The following ZBTB38 variants were observed in gnomAD, a reference collection of about 807,000 sequenced individuals.
The protein encoded by ZBTB38 is zinc finger and BTB domain-containing protein 38.
ZBTB38 carries 20 observed loss-of-function variants against 76.8 expected under a neutral mutation model. The observed-to-expected ratio is 0.26, with a 90% confidence interval of 0.18 to 0.38. The LOEUF is 0.38. Among genes scored for constraint, ZBTB38 ranks in the 10% least tolerant of loss-of-function variants. The pLI, the probability that ZBTB38 is intolerant of heterozygous loss-of-function variation, is 1.00. For missense variants in ZBTB38, 1,082 were observed against 1,482.3 expected, an observed-to-expected ratio of 0.73 and a Z score of 4.43; for synonymous variants, 504 against 544.2, an observed-to-expected ratio of 0.93 and a Z score of 1.03.
rs1266580259 is a variant in ZBTB38 at position 141,368,789 on chromosome 3, G to A, written c.-325G>A. ...AGTTGACAGCGTCTGGGTTTCAGAG[G>A]AGCCAGCGCCTCCGAGTAAGTGAAG... is the stretch of plus-strand genomic sequence containing the variant. On this transcript the variant is annotated 5_prime_UTR_variant, in exon 1 of 6. Transcript: ENST00000321464. The A allele has an allele frequency of 1.3e-5, 2 of 151,922 alleles. No homozygotes were observed. The highest frequency in any genetic ancestry group is 2.1e-4 in the South Asian group (1 of 4,810). The allele number at this position is 151,922 out of a possible 1,614,324, so 9.4% of individuals were successfully genotyped here. A position where few individuals can be genotyped will look rare whatever the true frequency, so the allele number is the denominator to read the frequency against.
At chr3:141,417,105 G>A (rs1200290484) in intron 5 of ZBTB38, among the ~76,000 whole-genome samples, 1 of 152,202 alleles carries the variant, frequency 6.6e-6, no homozygotes, top group Non-Finnish European at 1.5e-5. Context: ...AGTCTGGAGT[G>A]GCACGAAGAA....
chr3:141,432,867 T>C (rs1174569723), intron 5 of ZBTB38, among the ~76,000 whole-genome samples: 1 of 152,222 alleles, frequency 6.6e-6, no homozygotes, highest in Non-Finnish European at 1.5e-5. Flanking sequence ...TTAAAAGCAA[T>C]ATCCAGGATA....
At chr3:141,328,694 C>T (rs1942750713) in intron 1 of ZBTB38, among the ~76,000 whole-genome samples, 1 of 152,200 alleles carries the variant, frequency 6.6e-6, no homozygotes, top group Non-Finnish European at 1.5e-5. Flanking sequence ...AGCCCAACCA[C>T]ACCACTCCTG....
intron 4 of ZBTB38, among the ~76,000 whole-genome samples, chr3:141,395,758 C>T (rs952003961): frequency 4.6e-5 from 7 of 152,114 alleles, no homozygotes; most frequent in Admixed American, 1.3e-4. Context: ...GTCACAGGTT[C>T]GGTTCCAGGC....
intron 5 of ZBTB38, among the ~76,000 whole-genome samples, chr3:141,410,685 A>G (rs1325488884): frequency 1.3e-5 from 2 of 152,342 alleles, no homozygotes; most frequent in East Asian, 1.9e-4. Flanking sequence ...GTTTTTGCCA[A>G]TTAAGATAGT....
At chr3:141,333,235 C>T (rs914119660) in intron 1 of ZBTB38, among the ~76,000 whole-genome samples, 3 of 152,126 alleles carry the variant, frequency 2.0e-5, no homozygotes, top group Non-Finnish European at 4.4e-5. Context: ...CCAACTGGCT[C>T]AGTTAATAGG....
At chr3:141,384,566 C>T (rs938785145) in intron 3 of ZBTB38, among the ~76,000 whole-genome samples, 12 of 152,202 alleles carry the variant, frequency 7.9e-5, no homozygotes, top group African/African-American at 2.9e-4. Context: ...TCCTCCCACC[C>T]CACTCTAAGG....
At chr3:141,371,989 A>G (rs898291973) in intron 2 of ZBTB38, among the ~76,000 whole-genome samples, 4 of 152,176 alleles carry the variant, frequency 2.6e-5, no homozygotes, top group Non-Finnish European at 5.9e-5. Flanking sequence ...TTTTGTCAAT[A>G]TCTGACTAAA....
chr3:141,390,336 G>T, intron 4 of ZBTB38, among the ~76,000 whole-genome samples: 1 of 152,208 alleles, frequency 6.6e-6, no homozygotes, highest in East Asian at 1.9e-4. Flanking sequence ...GCCAGAGCAG[G>T]TGTGACAGCA....
chr3:141,364,676 T>TAA (rs59398877), upstream of ZBTB38, among the ~76,000 whole-genome samples: 438 of 43,384 alleles, frequency 0.01, 49 homozygotes, highest in East Asian at 0.034. Flanking sequence ...AAACTACATC[T>TAA]AAAAAAAAAA....
intron 2 of ZBTB38, among the ~76,000 whole-genome samples, chr3:141,374,714 C>G (rs1945112331): frequency 6.6e-6 from 1 of 151,866 alleles, no homozygotes; most frequent in Non-Finnish European, 1.5e-5. Flanking sequence ...AACATTTTAC[C>G]AAATCACTAG....
chr3:141,445,676 T>C lies in ZBTB38; in HGVS notation c.3288T>C (p.Cys1096=). The C allele has an allele frequency of 6.2e-7, 1 of 1,614,196 alleles. No individual in the cohort carries two copies. Among genetic ancestry groups the C allele is most frequent in the Non-Finnish European group, 8.5e-7 (1 of 1,180,040 alleles). Reference sequence around the variant, plus strand: ...ATACTGGAGAAAAGCGTTACCACTGTCAGTTCTGCTTTCAGAGATTTTTGT... The same window carrying C: ...ATACTGGAGAAAAGCGTTACCACTGCCAGTTCTGCTTTCAGAGATTTTTGT... ...RIHTGEKRYH[C]QFCFQRFLYL... is the part of the protein sequence containing the mutation. The change falls in exon 6 of 6, where the codon TGT becomes TGC. Residue 1096 remains cysteine (C), a synonymous_variant. Coordinates refer to ENST00000321464, the MANE Select transcript of ZBTB38 (RefSeq NM_001376113.1). This position sits in a 1 kb window ranked among gnomAD's most constrained non-coding sequence, Gnocchi z 6.5.
At position 141,444,183 on chromosome 3, in the gene ZBTB38, G is replaced by A. The variant is rs752475828; in HGVS notation, c.1795G>A (p.Ala599Thr). Reference sequence around the variant, plus strand: ...AGAAAACAGTCAAATGAATGAGTCTGCACCTGGTACCTATGTTGTTCAGAA... The same window carrying A: ...AGAAAACAGTCAAATGAATGAGTCTACACCTGGTACCTATGTTGTTCAGAA... ...ARENSQMNES[A>T]PGTYVVQNPH... The change falls in exon 6 of 6, where the codon GCA becomes ACA. Residue 599 changes from alanine (A) to threonine (T), a missense_variant. By Grantham distance (58) the Ala-to-Thr change is moderately conservative (BLOSUM62 0). Transcript: ENST00000321464. This position sits in a 1 kb window ranked among gnomAD's most constrained non-coding sequence, Gnocchi z 5.1. 8.7e-6 allele frequency: 14 copies of A among 1,614,038 alleles called. No homozygotes were observed. In the Middle Eastern group the frequency reaches 4.9e-4, roughly 57 times the overall value.
intron 2 of ZBTB38, among the ~76,000 whole-genome samples, chr3:141,377,397 C>T (rs968554089): frequency 1.3e-5 from 2 of 152,138 alleles, no homozygotes; most frequent in African/African-American, 4.8e-5. Context: ...TGTGGCCCAT[C>T]AAAAGGAGCC....
chr3:141,354,212 C>G (rs1354371192), intron 1 of ZBTB38, among the ~76,000 whole-genome samples: 1 of 151,996 alleles, frequency 6.6e-6, no homozygotes, highest in Non-Finnish European at 1.5e-5. Context: ...CCTACAAAAC[C>G]CTTAACACTC....
Position 141,432,386 on chromosome 3 carries a change from C to T in ZBTB38, c.1-10003C>T, listed in dbSNP as rs761851427. 33 of 672,366 alleles carry T rather than the reference C, an allele frequency of 4.9e-5. No individual in the cohort carries two copies. In the Admixed American group the frequency reaches 1.9e-3, roughly 39 times the overall value. The allele number at this position is 672,366 out of a possible 1,614,324, so 41.7% of individuals were successfully genotyped here. ...ATTATGTACGTTAGGAGCTGCGTGG[C>T]CAAGGGCTGGCAAGAGGGCTCTTGG... On this transcript the variant is annotated intron_variant, in intron 5 of 5. Transcript: ENST00000321464.
intron 2 of ZBTB38, among the ~76,000 whole-genome samples, chr3:141,370,406 A>G (rs181634546): frequency 6.2e-4 from 94 of 152,376 alleles, no homozygotes; most frequent in African/African-American, 2.2e-3. Flanking sequence ...ACATGACCAC[A>G]GCTAACCACA....
intron 1 of ZBTB38, among the ~76,000 whole-genome samples, chr3:141,346,622 A>G (rs1943361640): frequency 6.6e-6 from 1 of 152,176 alleles, no homozygotes; most frequent in African/African-American, 2.4e-5. Flanking sequence ...AGGGAGTGCT[A>G]CAGTGAGACG....
intron 5 of ZBTB38, chr3:141,425,999 T>G: frequency 2.3e-6 from 1 of 443,300 alleles, no homozygotes; most frequent in South Asian, 1.8e-5. Context: ...CATATATGCT[T>G]GTTAGGTGTT....
Sources: allele counts gnomAD v4.1 joint callset (sites outside exome capture counted in the v4.1 genomes callset), GRCh38; gene constraint gnomAD v4.1.1; non-coding constraint Gnocchi (gnomAD v3.1); transcripts MANE v1.5; gene names NCBI Gene and HGNC (gene_info 2026-07-23, HGNC 2026-07-21).